The following NDE1 variants were observed in gnomAD, a reference collection of about 807,000 sequenced individuals.
NDE1 encodes the protein nuclear distribution protein nudE homolog 1.
NDE1 carries 28 observed loss-of-function variants against 43.4 expected under a neutral mutation model. The ratio of observed to expected loss-of-function variants is 0.65; its 90% CI spans 0.48 to 0.89. The LOEUF is 0.89. NDE1 is among the 40% of genes least tolerant of loss of function. The pLI is 0.00. For synonymous variants in NDE1, 184 were observed against 172.0 expected (o/e 1.07, Z -0.55); for missense variants, 441 against 434.1 (o/e 1.02, Z -0.14).
In NDE1 at chr16:15,696,809, A is replaced by G. The variant is rs375333282; in HGVS notation, c.896A>G (p.Asp299Gly). ...PASGRSSKNR[D>G]GGERRPSSTS... Reference sequence around the variant, plus strand: ...TCTGGGCGGAGCAGCAAGAACAGAGATGGCGGGGAGAGACGGCCAAGCAGC... The same window carrying G: ...TCTGGGCGGAGCAGCAAGAACAGAGGTGGCGGGGAGAGACGGCCAAGCAGC... The change falls in exon 8 of 9, where the codon GAT becomes GGT. Residue 299 changes from aspartate (D) to glycine (G), a missense_variant. By Grantham distance (94) the Asp-to-Gly change is moderately conservative. Coordinates refer to ENST00000396354, the MANE Select transcript of NDE1 (RefSeq NM_017668.3). The G allele has an allele frequency of 6.2e-7, 1 of 1,614,092 alleles. No homozygotes were observed. Among genetic ancestry groups the G allele is most frequent in the Non-Finnish European group, 8.5e-7 (1 of 1,180,050 alleles).
At chr16:15,719,270 G>C (rs762146153) in intron 8 of NDE1, 1 of 1,613,174 alleles carries the variant, frequency 6.2e-7, no homozygotes, top group Non-Finnish European at 8.5e-7. Flanking sequence ...CCTTCTCGAG[G>C]TCCGCTTGTT....
rs1462236605 is a variant in NDE1 at position 15,717,163 on chromosome 16, C to T, written c.948-7028C>T. The T allele has an allele frequency of 1.2e-6, 2 of 1,614,202 alleles. No individual in the cohort carries two copies. Among genetic ancestry groups the T allele is most frequent in the Middle Eastern group, 1.6e-4 (1 of 6,062 alleles). On this transcript the variant is annotated intron_variant, in intron 8 of 8. Coordinates refer to ENST00000396354, the MANE Select transcript of NDE1 (RefSeq NM_017668.3). Reference sequence around the variant, plus strand: ...ACCTGGCCTCCTGCTCGACCTGCTCCTCCAGCTGTGCAATCTTGGCCTCCA... The same window carrying T: ...ACCTGGCCTCCTGCTCGACCTGCTCTTCCAGCTGTGCAATCTTGGCCTCCA...
chr16:15,724,654 T>G lies in NDE1; in HGVS notation c.*403T>G. 6.2e-7 allele frequency: 1 copy of G among 1,614,078 alleles called. No homozygotes were observed. Among genetic ancestry groups the G allele is most frequent in the South Asian group, 1.1e-5 (1 of 91,078 alleles). ...AGGACACGGGGCAGGCACCTGGATGTTGAGAGTGGAGATGTGGCGCTCCAG... is the reference window on the plus strand; with the variant it reads ...AGGACACGGGGCAGGCACCTGGATGGTGAGAGTGGAGATGTGGCGCTCCAG... On this transcript the variant is annotated 3_prime_UTR_variant, in exon 9 of 9. Transcript: ENST00000396354.
chr16:15,702,850 C>G (rs1373548971), intron 8 of NDE1, among the ~76,000 whole-genome samples: 2 of 152,148 alleles, frequency 1.3e-5, no homozygotes, highest in African/African-American at 4.8e-5. Flanking sequence ...TGTTCGAGGG[C>G]AGGGGGCAGT....
intron 8 of NDE1, 61 bp from the exon 9 acceptor site, chr16:15,724,130 G>A (rs1275000069): frequency 6.2e-7 from 1 of 1,611,672 alleles, no homozygotes; most frequent in Non-Finnish European, 8.5e-7. Flanking sequence ...AGCGTCCATG[G>A]CCAGAGTGGG....
At chr16:15,661,483 G>A (rs1315946066) in intron 1 of NDE1, among the ~76,000 whole-genome samples, 1 of 148,742 alleles carries the variant, frequency 6.7e-6, no homozygotes, top group African/African-American at 2.5e-5. Context: ...TTTTTGAGAC[G>A]GGATCTTGCT....
At position 15,696,719 on chromosome 16, in the gene NDE1, C is replaced by T; in HGVS notation, c.806C>T (p.Ser269Phe). The T allele has an allele frequency of 1.2e-6, 2 of 1,614,198 alleles. No homozygotes were observed. The highest frequency in any genetic ancestry group is 1.7e-6 in the Non-Finnish European group (2 of 1,180,034). The change falls in exon 8 of 9, where the codon TCC becomes TTC. Residue 269 changes from serine (S) to phenylalanine (F), a missense_variant. Ser to Phe is a radical substitution (Grantham distance 155). Coordinates refer to ENST00000396354, the MANE Select transcript of NDE1 (RefSeq NM_017668.3). ...DLLRKVGALE[S>F]KLASCRNLVY... The stretch of plus-strand genomic sequence containing the variant: ...TGTATTTCTGTCCAGGCACTGGAGT[C>T]CAAACTCGCTTCCTGCCGGAACCTC...
chr16:15,693,784 AC>A (rs1434844000), intron 6 of NDE1, among the ~76,000 whole-genome samples: 5 of 152,192 alleles, frequency 3.3e-5, no homozygotes, highest in Non-Finnish European at 7.3e-5. Flanking sequence ...TACTAAAAAT[AC>A]AAAAATTAGC....
intron 1 of NDE1, among the ~76,000 whole-genome samples, chr16:15,653,167 C>T (rs1285017737): frequency 6.6e-6 from 1 of 152,152 alleles, no homozygotes; most frequent in African/African-American, 2.4e-5. Context: ...CCTGAGCTTT[C>T]TTCCATATTA....
In NDE1 at chr16:15,725,177, C is replaced by A; in HGVS notation, c.*926C>A. ...CACACACACACAAAAAAAACAGAATCTGTGGCTTGAAGGGAACTCCGTCAC... is the reference window on the plus strand; with the variant it reads ...CACACACACACAAAAAAAACAGAATATGTGGCTTGAAGGGAACTCCGTCAC... On this transcript the variant is annotated 3_prime_UTR_variant, in exon 9 of 9. Transcript: ENST00000396354. 1 of 634,408 alleles carries A rather than the reference C, an allele frequency of 1.6e-6. No individual in the cohort carries two copies. Among genetic ancestry groups the A allele is most frequent in the Non-Finnish European group, 2.8e-6 (1 of 362,876 alleles). 39.3% of individuals were successfully genotyped at this position (634,408 alleles called of 1,614,324 possible).
intron 3 of NDE1, among the ~76,000 whole-genome samples, chr16:15,674,948 G>A (rs1279607117): frequency 6.6e-6 from 1 of 152,140 alleles, no homozygotes; most frequent in Non-Finnish European, 1.5e-5. Flanking sequence ...GTGATAATGT[G>A]TGAAAGCAGG....
chr16:15,715,347 G>GCTTTCCTGA, intron 8 of NDE1: 1 of 1,422,984 alleles, frequency 7.0e-7, no homozygotes, highest in Non-Finnish European at 9.9e-7. Flanking sequence ...ACCTGGAGGT[G>GCTTTCCTGA]GCATCTTGAG....
intron 8 of NDE1, chr16:15,715,385 C>T (rs548849188): frequency 2.5e-5 from 23 of 914,024 alleles, no homozygotes; most frequent in South Asian, 8.0e-5. Flanking sequence ...TATCTGGACT[C>T]CTCTCAAGAA....
At chr16:15,714,728 G>T (rs943586733) in intron 8 of NDE1, 1 of 770,888 alleles carries the variant, frequency 1.3e-6, no homozygotes, top group East Asian at 2.5e-5. Context: ...GGCAGGGCCC[G>T]GGTCTGATCT....
chr16:15,717,758 T>C (rs1418520813), intron 8 of NDE1: 2 of 297,194 alleles, frequency 6.7e-6, no homozygotes, highest in Non-Finnish European at 1.3e-5. Context: ...ATTGCGCCAC[T>C]GCACTCCAGC....
At chr16:15,666,109 A>C (rs1167670452) in intron 2 of NDE1, among the ~76,000 whole-genome samples, 2 of 152,062 alleles carry the variant, frequency 1.3e-5, no homozygotes, top group Non-Finnish European at 2.9e-5. Context: ...CATATCTGGT[A>C]AGTTCTTTGT....
intron 3 of NDE1, among the ~76,000 whole-genome samples, chr16:15,668,208 A>G (rs2037414091): frequency 6.6e-6 from 1 of 152,078 alleles, no homozygotes; most frequent in Non-Finnish European, 1.5e-5. Context: ...CTAAAATTAC[A>G]AATATTAGCT....
intron 3 of NDE1, among the ~76,000 whole-genome samples, 161 bp downstream of exon 3, chr16:15,667,600 TTG>T (rs1951769514): frequency 6.6e-6 from 1 of 151,602 alleles, no homozygotes; most frequent in African/African-American, 2.4e-5. Flanking sequence ...TTTGAACTCT[TTG>T]TGCCTCTAGT....
chr16:15,720,652 T>G (rs916125139), intron 8 of NDE1, among the ~76,000 whole-genome samples: 3 of 151,490 alleles, frequency 2.0e-5, no homozygotes, highest in Non-Finnish European at 4.4e-5. Context: ...CTCGGGAGGC[T>G]GAGGCAGGAG....
Sources: allele counts gnomAD v4.1 joint callset (sites outside exome capture counted in the v4.1 genomes callset), GRCh38; gene constraint gnomAD v4.1.1; transcripts MANE v1.5; gene names NCBI Gene and HGNC (gene_info 2026-07-23, HGNC 2026-07-21).